Variants in ITGA1 observed in about 807,000 individuals in gnomAD.
The protein encoded by ITGA1 is integrin alpha-1.
A neutral mutation model predicts 145.9 loss-of-function variants in ITGA1; 85 were observed. The observed-to-expected ratio is 0.58, with a 90% CI of 0.49 to 0.70. The LOEUF is 0.70. ITGA1 is among the 30% of genes least tolerant of loss of function. The pLI is 0.00. For missense variants in ITGA1, 1,351 were observed against 1,418.7 expected (o/e 0.95, Z 0.77); for synonymous variants, 520 against 495.3 (o/e 1.05, Z -0.66).
At chr5:52,801,642 T>A (rs1748488409) in intron 1 of ITGA1, 2 of 1,614,000 alleles carry the variant, frequency 1.2e-6, no homozygotes, top group Non-Finnish European at 1.7e-6. Flanking sequence ...TCTTCAGGCA[T>A]CAGGATGTAG....
rs1751295868 is a variant in ITGA1 at position 52,955,847 on chromosome 5, G to C, written c.*3396G>C. ...TCTGAATATTTTCTGTGTCATAAGT[G>C]TGCTTGAAAAGAGGCTTGTAGTAAA... On this transcript the variant is annotated 3_prime_UTR_variant, in exon 29 of 29. Coordinates refer to ENST00000282588, the MANE Select transcript of ITGA1 (RefSeq NM_181501.2). 1 of 152,062 alleles carries C rather than the reference G, an allele frequency of 6.6e-6. No individual in the cohort carries two copies. Among genetic ancestry groups the C allele is most frequent in the Non-Finnish European group, 1.5e-5 (1 of 68,014 alleles). 9.4% of individuals were successfully genotyped at this position (152,062 alleles called of 1,614,324 possible).
At chr5:52,834,414 G>A (rs1320545829) in intron 1 of ITGA1, among the ~76,000 whole-genome samples, 1 of 151,820 alleles carries the variant, frequency 6.6e-6, no homozygotes, top group Non-Finnish European at 1.5e-5. Context: ...CCTTATCTCT[G>A]TGTACATAGT....
At position 52,956,769 on chromosome 5, in the gene ITGA1, T is replaced by G. The variant is rs1015190018; in HGVS notation, c.*4318T>G. 2.6e-5 allele frequency: 4 copies of G among 152,176 alleles called. No homozygotes were observed. The highest frequency in any genetic ancestry group is 9.7e-5 in the African/African-American group (4 of 41,438). The allele number at this position is 152,176 out of a possible 1,614,324, so 9.4% of individuals were successfully genotyped here. A position where few individuals can be genotyped will look rare whatever the true frequency, so the allele number is the denominator to read the frequency against. ...CATCTAAAAAATGAAAAGAAGGGCC[T>G]TAAAGTCCTCACATGGATGCTGTAT... On this transcript the variant is annotated 3_prime_UTR_variant, in exon 29 of 29. Transcript: ENST00000282588.
chr5:52,884,637 A>G (rs1197928412), intron 7 of ITGA1, among the ~76,000 whole-genome samples: 1 of 152,208 alleles, frequency 6.6e-6, no homozygotes, highest in Non-Finnish European at 1.5e-5. Context: ...GTCAAGGAAC[A>G]GGGCAGGGAT....
rs540920077 is a variant in ITGA1 at position 52,846,621 on chromosome 5, T to C, written c.62-2744T>C. On this transcript the variant is annotated intron_variant, in intron 1 of 28. Coordinates refer to ENST00000282588, the MANE Select transcript of ITGA1 (RefSeq NM_181501.2). ...ATGTGAAAGACTATTATGCAGAAGA[T>C]GGTAACCAGCTGTTCTCTATCACGC... is the stretch of plus-strand genomic sequence containing the variant. Among the ~76,000 whole-genome samples the C allele has an allele frequency of 3.9e-5, 6 of 152,318 alleles. No homozygotes were observed. In the South Asian group the frequency reaches 8.3e-4, roughly 21 times the overall value.
intron 8 of ITGA1, chr5:52,889,893 T>G (rs1284563490): frequency 2.3e-5 from 2 of 86,448 alleles, no homozygotes; most frequent in Admixed American, 1.2e-4. Context: ...GATTTGGATA[T>G]TCTTAAAAAA....
At chr5:52,849,322 CTTAG>C in intron 1 of ITGA1, 39 bp from the exon 2 acceptor site, 1 of 1,544,702 alleles carries the variant, frequency 6.5e-7, no homozygotes, top group South Asian at 1.2e-5. Flanking sequence ...ATGATGGACT[CTTAG>C]TTAACTCTAT....
At chr5:52,822,461 A>G (rs1392806331) in intron 1 of ITGA1, among the ~76,000 whole-genome samples, 1 of 152,208 alleles carries the variant, frequency 6.6e-6, no homozygotes, top group South Asian at 2.1e-4. Context: ...GACTGGGCAG[A>G]GCTAGACAAT....
chr5:52,886,081 T>C (rs1750041840), intron 7 of ITGA1, among the ~76,000 whole-genome samples: 1 of 152,198 alleles, frequency 6.6e-6, no homozygotes, highest in South Asian at 2.1e-4. Context: ...TTAAGCCAGA[T>C]TCTTGCTTAA....
intron 13 of ITGA1, among the ~76,000 whole-genome samples, chr5:52,909,907 A>G (rs536745092): frequency 1.3e-5 from 2 of 152,204 alleles, no homozygotes; most frequent in South Asian, 4.2e-4. Context: ...TTTGGCCTGA[A>G]AAAGATGCTC....
intron 16 of ITGA1, among the ~76,000 whole-genome samples, chr5:52,919,222 G>A (rs1346466006): frequency 6.6e-6 from 1 of 152,112 alleles, no homozygotes; most frequent in Non-Finnish European, 1.5e-5. Flanking sequence ...TAGAAATTGA[G>A]CTACAAATGG....
In ITGA1 at chr5:52,894,194, G is replaced by T. The variant is rs549175582; in HGVS notation, c.1090+354G>T. Among the ~76,000 whole-genome samples the T allele has an allele frequency of 1.3e-5, 2 of 151,850 alleles. 1 individual carries two copies. Among genetic ancestry groups the T allele is most frequent in the South Asian group, 4.2e-4 (2 of 4,814 alleles). On this transcript the variant is annotated intron_variant, in intron 9 of 28. Coordinates refer to ENST00000282588, the MANE Select transcript of ITGA1 (RefSeq NM_181501.2). ...AATGAGGGTACTACCTCTGGTTTGG[G>T]TTTTTTTTGTTTGTTTGTTTCTTCA...
In ITGA1 at chr5:52,849,372, A is replaced by C. The variant is rs758022183; in HGVS notation, c.69A>C (p.Leu23=). The change falls in exon 2 of 29, where the codon CTA becomes CTC. Residue 23 remains leucine, a synonymous_variant. Transcript: ENST00000282588. ...VACCWLLTVV[L]RCCVSFNVDV... The stretch of plus-strand genomic sequence containing the variant: ...TTTGTTTTTCTCCTAAAGTTGTTCT[A>C]CGCTGCTGCGTATCATTCAATGTTG... 2 of 1,607,420 alleles carry C rather than the reference A, an allele frequency of 1.2e-6. No individual in the cohort carries two copies. Among genetic ancestry groups the C allele is most frequent in the African/African-American group, 1.3e-5 (1 of 74,926 alleles).
In ITGA1 at chr5:52,847,113, G is replaced by A. The variant is rs1005472611; in HGVS notation, c.62-2252G>A. Among the ~76,000 whole-genome samples the A allele has an allele frequency of 2.1e-4, 32 of 152,072 alleles. 1 individual carries two copies. Among genetic ancestry groups the A allele is most frequent in the African/African-American group, 7.7e-4 (32 of 41,420 alleles). ...AAAATCTGACACAGATAACTATATA[G>A]TATTTAATAATTATCTCCATGAGAG... On this transcript the variant is annotated intron_variant, in intron 1 of 28. Transcript: ENST00000282588.
chr5:52,883,109 TACCTATTGGATC>T (rs753947299), intron 7 of ITGA1, among the ~76,000 whole-genome samples: 104 of 152,214 alleles, frequency 6.8e-4, no homozygotes, highest in Non-Finnish European at 1.1e-3. Flanking sequence ...GACATTTACC[TACCTATTGGATC>T]ACCTATTGGA....
chr5:52,888,919 T>A (rs1561238410), intron 8 of ITGA1, among the ~76,000 whole-genome samples: 1 of 152,260 alleles, frequency 6.6e-6, no homozygotes, highest in East Asian at 1.9e-4. Context: ...GGATGGTCAC[T>A]GATACTCCCC....
chr5:52,859,695 G>A (rs1424892053), intron 2 of ITGA1, among the ~76,000 whole-genome samples: 1 of 152,158 alleles, frequency 6.6e-6, no homozygotes, highest in Non-Finnish European at 1.5e-5. Flanking sequence ...TTCTCCTGCA[G>A]ACATTCTTTC....
At chr5:52,849,299 C>T (rs1749388842) in intron 1 of ITGA1, 66 bp from the exon 2 acceptor site, 3 of 1,378,084 alleles carry the variant, frequency 2.2e-6, no homozygotes, top group East Asian at 2.4e-5. Context: ...CCATGCCTTC[C>T]ATAACTCAAA....
At chr5:52,842,067 G>T (rs1749262501) in intron 1 of ITGA1, among the ~76,000 whole-genome samples, 1 of 152,166 alleles carries the variant, frequency 6.6e-6, no homozygotes, top group Non-Finnish European at 1.5e-5. Flanking sequence ...AAGAGTCACT[G>T]CAGGGTCACC....
Sources: gnomAD v4.1 joint callset for allele counts (sites outside exome capture counted in the v4.1 genomes callset) on GRCh38, gnomAD v4.1.1 for gene constraint, MANE v1.5 for transcripts, NCBI Gene and HGNC (gene_info 2026-07-23, HGNC 2026-07-21) for gene names.